Variants in TRDN observed in about 807,000 individuals in gnomAD.
The protein encoded by TRDN is triadin in skeletal muscle.
In TRDN, 161 loss-of-function variants were observed where a neutral mutation model predicts 149.7. The observed-to-expected ratio is 1.08, with a 90% CI of 0.95 to 1.23. The LOEUF is 1.23. Among genes scored for constraint, TRDN ranks in the 50% most tolerant of loss-of-function variants. The probability of loss-of-function intolerance (pLI) is 0.00; values close to 1 mark genes in which losing one functional copy is unlikely to be tolerated. For missense variants in TRDN, 896 were observed against 823.5 expected (o/e 1.09, Z -1.08); for synonymous variants, 294 against 250.5 (o/e 1.17, Z -1.64).
intron 12 of TRDN, among the ~76,000 whole-genome samples, chr6:123,436,741 C>T (rs1774581739): frequency 6.6e-6 from 1 of 152,102 alleles, no homozygotes; most frequent in South Asian, 2.1e-4. Flanking sequence ...GCTTACCTAC[C>T]ACCTCATGTT....
intron 7 of TRDN, among the ~76,000 whole-genome samples, chr6:123,511,695 C>T (rs1779189725): frequency 6.6e-6 from 1 of 152,074 alleles, no homozygotes; most frequent in African/African-American, 2.4e-5. Context: ...CAGCATGGCT[C>T]TACTGAATTC....
chr6:123,331,961 C>G, intron 22 of TRDN, 32 bp from the exon 23 acceptor site: 1 of 1,495,972 alleles, frequency 6.7e-7, no homozygotes, highest in Non-Finnish European at 9.0e-7. Flanking sequence ...TTATTTGAAG[C>G]CAAGACAAAG....
intron 4 of TRDN, 52 bp downstream of exon 4, chr6:123,547,288 C>T: frequency 8.8e-7 from 1 of 1,136,834 alleles, no homozygotes; most frequent in Non-Finnish European, 1.2e-6. Flanking sequence ...TGCTGAAAAC[C>T]AATATTACCA....
chr6:123,414,092 G>T (rs1306445669), intron 12 of TRDN, among the ~76,000 whole-genome samples: 1 of 152,068 alleles, frequency 6.6e-6, no homozygotes, highest in Non-Finnish European at 1.5e-5. Context: ...TGATCTTCAA[G>T]TTCGCTATCT....
chr6:123,620,548 T>G (rs1454640344), intron 1 of TRDN, among the ~76,000 whole-genome samples: 1 of 152,170 alleles, frequency 6.6e-6, no homozygotes, highest in Non-Finnish European at 1.5e-5. Flanking sequence ...ATAGAATTTT[T>G]TTTTCGTTTT....
Position 123,438,045 on chromosome 6 carries a change from A to G in TRDN, c.1051+18T>C. On this transcript the variant is annotated intron_variant, in intron 12 of 40. Transcript: ENST00000334268. Reference sequence around the variant, plus strand: ...TCCTGAACGTAATCCATCTAAGGAAACAAAGAAAGTGCAATACCTTTTTTT... The same window carrying G: ...TCCTGAACGTAATCCATCTAAGGAAGCAAAGAAAGTGCAATACCTTTTTTT... 6.3e-7 allele frequency: 1 copy of G among 1,592,396 alleles called. No individual in the cohort carries two copies.
chr6:123,390,929 G>GA (rs1017672476), intron 13 of TRDN, among the ~76,000 whole-genome samples: 3 of 151,996 alleles, frequency 2.0e-5, no homozygotes, highest in Non-Finnish European at 2.9e-5. Context: ...GAATCCAGAA[G>GA]AAAAAAGCCA....
At chr6:123,232,574 G>A (rs1403148961) in intron 38 of TRDN, among the ~76,000 whole-genome samples, 1 of 151,954 alleles carries the variant, frequency 6.6e-6, no homozygotes, top group African/African-American at 2.4e-5. Context: ...GCAGAGGTAG[G>A]AGAAACTCTT....
chr6:123,411,819 A>G (rs968196605), intron 12 of TRDN: 2 of 152,252 alleles, frequency 1.3e-5, no homozygotes, highest in Non-Finnish European at 2.9e-5. Flanking sequence ...AAAGGCCAGC[A>G]TACAGAGAAT....
intron 40 of TRDN, among the ~76,000 whole-genome samples, chr6:123,221,039 T>C (rs1174768673): frequency 6.6e-6 from 1 of 151,798 alleles, no homozygotes; most frequent in African/African-American, 2.4e-5. Context: ...GAACCTACCA[T>C]ACATCTAGCA....
chr6:123,221,334 A>T (rs1042179391), intron 40 of TRDN, among the ~76,000 whole-genome samples, 153 bp downstream of exon 40: 10 of 151,810 alleles, frequency 6.6e-5, no homozygotes, highest in Admixed American at 2.6e-4. Context: ...TTCTTTTTAA[A>T]ATATAAATGA....
Position 123,259,646 on chromosome 6 carries a change from T to C in TRDN, c.1848A>G (p.Glu616=). ...EVTESGKKKT[E]ISEKESKEKA... ...TACCTTTACTTTCTTTTTCAGATAT[T>C]TCAGTTTTCTTCTTTCCTAGGGGAA... The change falls in exon 35 of 41, where the codon GAA becomes GAG. Residue 616 remains glutamate, a synonymous_variant. Coordinates refer to ENST00000334268, the MANE Select transcript of TRDN (RefSeq NM_006073.4). The C allele has an allele frequency of 6.8e-7, 1 of 1,472,464 alleles. No homozygotes were observed. The highest frequency in any genetic ancestry group is 2.5e-5 in the East Asian group (1 of 39,510). 91.2% of individuals were successfully genotyped at this position (1,472,464 alleles called of 1,614,324 possible). A position where few individuals can be genotyped will look rare whatever the true frequency, so the allele number is the denominator to read the frequency against.
intron 24 of TRDN, among the ~76,000 whole-genome samples, chr6:123,299,005 G>T (rs1778308593): frequency 6.6e-6 from 1 of 151,932 alleles, no homozygotes; most frequent in Non-Finnish European, 1.5e-5. Flanking sequence ...GGATAGTTTT[G>T]GTCTGGAATA....
At chr6:123,300,956 A>G (rs552653358) in intron 24 of TRDN, among the ~76,000 whole-genome samples, 113 of 152,088 alleles carry the variant, frequency 7.4e-4, no homozygotes, top group Non-Finnish European at 1.4e-3. Flanking sequence ...CATAACTTAC[A>G]TATCTTATTG....
At chr6:123,359,771 C>T (rs1780824858) in intron 20 of TRDN, among the ~76,000 whole-genome samples, 2 of 152,152 alleles carry the variant, frequency 1.3e-5, no homozygotes, top group South Asian at 4.1e-4. Flanking sequence ...TCTCGGCTCA[C>T]CGCAAGCTCC....
At chr6:123,280,273 T>C (rs1243111094) in intron 24 of TRDN, among the ~76,000 whole-genome samples, 1 of 152,042 alleles carries the variant, frequency 6.6e-6, no homozygotes, top group Non-Finnish European at 1.5e-5. Flanking sequence ...CTGAACAGCA[T>C]ATACACACAA....
chr6:123,440,082 A>G (rs914281460), intron 10 of TRDN, among the ~76,000 whole-genome samples: 2 of 152,332 alleles, frequency 1.3e-5, no homozygotes, highest in African/African-American at 4.8e-5. Context: ...GTTGTCTACT[A>G]ATGACTGCAT....
At chr6:123,239,027 G>A (rs951779732) in intron 38 of TRDN, among the ~76,000 whole-genome samples, 1 of 152,018 alleles carries the variant, frequency 6.6e-6, no homozygotes, top group African/African-American at 2.4e-5. Context: ...TTTTAGTAGA[G>A]ACAGGGTTTC....
intron 12 of TRDN, among the ~76,000 whole-genome samples, chr6:123,394,712 G>A (rs868122533): frequency 2.0e-5 from 3 of 151,896 alleles, no homozygotes; most frequent in Non-Finnish European, 4.4e-5. Context: ...ATATAAACAT[G>A]ATTATAAAAA....
Sources: gnomAD v4.1 joint callset for allele counts (sites outside exome capture counted in the v4.1 genomes callset) on GRCh38, gnomAD v4.1.1 for gene constraint, MANE v1.5 for transcripts, NCBI Gene and HGNC (gene_info 2026-07-23, HGNC 2026-07-21) for gene names.